The following ANK3 variants were observed in gnomAD, a reference collection of about 807,000 sequenced individuals.
ANK3 encodes ankyrin 3.
ANK3 carries 57 observed loss-of-function variants against 370.9 expected under a neutral mutation model. The observed-to-expected ratio is 0.15, with a 90% CI of 0.12 to 0.19. The LOEUF is 0.19. Among genes scored for constraint, ANK3 ranks in the 10% least tolerant of loss-of-function variants. The probability of loss-of-function intolerance (pLI) is 1.00; values close to 1 mark genes in which losing one functional copy is unlikely to be tolerated. For synonymous variants in ANK3, 1,929 were observed against 1,946.3 expected (o/e 0.99, Z 0.23); for missense variants, 4,439 against 5,302.1 (o/e 0.84, Z 5.06).
chr10:60,469,642 T>TGGTG lies in ANK3; in HGVS notation c.96+145543_96+145544insCACC, dbSNP rs1476924119. On this transcript the variant is annotated intron_variant, in intron 2 of 43. Transcript: ENST00000373827. The stretch of plus-strand genomic sequence containing the variant: ...ATATGGTGGTATATATATATATATA[T>TGGTG]ATATATATATATGGTGGTATATATA... Among the ~76,000 whole-genome samples, 4 of 25,006 alleles carry TGGTG rather than the reference T, an allele frequency of 1.6e-4. 1 individual carries two copies. The highest frequency in any genetic ancestry group is 5.4e-4 in the African/African-American group (4 of 7,368). The allele number at this position is 25,006 out of a possible 152,430, so 16.4% of individuals were successfully genotyped here.
chr10:60,668,414 C>T (rs986116657), intron 1 of ANK3, among the ~76,000 whole-genome samples: 4 of 151,480 alleles, frequency 2.6e-5, no homozygotes, highest in African/African-American at 7.4e-5. Context: ...CAGCAATCCA[C>T]AGAGGCCATC....
chr10:60,169,364 G>GTTTTT (rs71015773), intron 21 of ANK3, among the ~76,000 whole-genome samples: 17 of 51,894 alleles, frequency 3.3e-4, no homozygotes, highest in South Asian at 8.5e-4. Context: ...TTGTCTCATA[G>GTTTTT]TTTTTTTTTT....
At chr10:60,235,030 TGATG>T (rs2097306997) in intron 7 of ANK3, among the ~76,000 whole-genome samples, 1 of 152,214 alleles carries the variant, frequency 6.6e-6, no homozygotes, top group African/African-American at 2.4e-5. Context: ...TTGAGGTGAC[TGATG>T]GATGAAGTGA....
In ANK3 at chr10:60,588,260, C is replaced by T. The variant is rs569321354; in HGVS notation, c.96+26926G>A. Among the ~76,000 whole-genome samples the T allele has an allele frequency of 2.0e-5, 3 of 151,300 alleles. No homozygotes were observed. The East Asian group carries it at 5.9e-4, about 30-fold the overall frequency. ...AGTGCAGTGGCGCGATCTCAGCTCA[C>T]TACAACCTCTGCCTCCCGGGTTCAA... On this transcript the variant is annotated intron_variant, in intron 2 of 43. Transcript: ENST00000373827.
chr10:60,220,547 C>T (rs1191213574), intron 8 of ANK3, among the ~76,000 whole-genome samples: 2 of 152,196 alleles, frequency 1.3e-5, no homozygotes, highest in African/African-American at 4.8e-5. Context: ...TCCCCACAAC[C>T]CCTTATCATA....
At chr10:60,332,311 T>C (rs765050573) in intron 1 of ANK3, among the ~76,000 whole-genome samples, 2 of 152,180 alleles carry the variant, frequency 1.3e-5, no homozygotes, top group Admixed American at 1.3e-4. Flanking sequence ...ATTATACGCA[T>C]AATATTTAAT....
At chr10:60,177,855 C>T (rs1357990466) in intron 18 of ANK3, among the ~76,000 whole-genome samples, 1 of 152,016 alleles carries the variant, frequency 6.6e-6, no homozygotes, top group African/African-American at 2.4e-5. Context: ...CCGCCGCGGC[C>T]TCCCAAAAGT....
chr10:60,640,041 C>CAA (rs796726733), intron 1 of ANK3, among the ~76,000 whole-genome samples: 92 of 150,700 alleles, frequency 6.1e-4, no homozygotes, highest in African/African-American at 2.1e-3. Context: ...CTAACAAAGA[C>CAA]AAAAAAAAGC....
intron 1 of ANK3, among the ~76,000 whole-genome samples, chr10:60,704,057 C>A (rs2079580154): frequency 6.6e-6 from 1 of 152,288 alleles, no homozygotes; most frequent in South Asian, 2.1e-4. Flanking sequence ...CTTTTGGAAC[C>A]AGCTGCCACA....
At position 60,681,190 on chromosome 10, in the gene ANK3, ATCT is replaced by A. The variant is rs1274580825; in HGVS notation, c.57+52070_57+52072del. ...TTCTGTTGAAGTTTGGTCTCTCATC[ATCT>A]TGTTTCCAAATCTTGACCTCCTCCC... is the stretch of plus-strand genomic sequence containing the variant. On this transcript the variant is annotated intron_variant, in intron 1 of 43. Transcript: ENST00000373827. 3.3e-5 allele frequency among the ~76,000 whole-genome samples: 5 copies of A among 152,286 alleles called. No homozygotes were observed. In the East Asian group the frequency reaches 9.7e-4, roughly 29 times the overall value.
chr10:60,637,224 T>G (rs972251062), intron 1 of ANK3, among the ~76,000 whole-genome samples: 1 of 152,188 alleles, frequency 6.6e-6, no homozygotes, highest in Non-Finnish European at 1.5e-5. Flanking sequence ...CTTTTCCCCA[T>G]GCTACTAAGT....
In ANK3 at chr10:60,237,464, C is replaced by A. The variant is rs536799380; in HGVS notation, c.799-2678G>T. On this transcript the variant is annotated intron_variant, in intron 7 of 43. Coordinates refer to ENST00000280772, the MANE Select transcript of ANK3 (RefSeq NM_020987.5). ...CACTGGTTGAGAAAGACTTAATTAA[C>A]CTTTATCACAAACAGGCTAAGTTTA... Among the ~76,000 whole-genome samples the A allele has an allele frequency of 7.2e-5, 11 of 152,252 alleles. No homozygotes were observed. The East Asian group carries it at 1.7e-3, about 24-fold the overall frequency.
chr10:60,383,228 G>T (rs566695032), intron 1 of ANK3, among the ~76,000 whole-genome samples: 1 of 152,070 alleles, frequency 6.6e-6, no homozygotes. Context: ...ACTATAGTCC[G>T]TTTATTCTTC....
intron 2 of ANK3, among the ~76,000 whole-genome samples, chr10:60,426,214 T>C (rs1486512053): frequency 6.6e-6 from 1 of 152,028 alleles, no homozygotes; most frequent in Non-Finnish European, 1.5e-5. Flanking sequence ...GTTTGGCCAA[T>C]AAAACTTCTG....
At chr10:60,495,774 G>A (rs929647150) in intron 2 of ANK3, among the ~76,000 whole-genome samples, 3 of 152,128 alleles carry the variant, frequency 2.0e-5, no homozygotes, top group African/African-American at 7.2e-5. Flanking sequence ...ATAATATTAA[G>A]TGGGGCAAAG....
chr10:60,346,852 T>C (rs947270492), intron 1 of ANK3, among the ~76,000 whole-genome samples: 4 of 152,046 alleles, frequency 2.6e-5, no homozygotes, highest in Admixed American at 6.6e-5. Flanking sequence ...TTACAGAGAA[T>C]GGGTGTTCTG....
At chr10:60,042,526 G>A (rs1589151247) in intron 43 of ANK3, 146 bp downstream of exon 43, 2 of 819,746 alleles carry the variant, frequency 2.4e-6, no homozygotes, top group Non-Finnish European at 1.9e-6. Flanking sequence ...AACATCAACA[G>A]AACTTGAACA....
chr10:60,483,260 T>G (rs2075269589), intron 2 of ANK3, among the ~76,000 whole-genome samples: 3 of 152,182 alleles, frequency 2.0e-5, no homozygotes, highest in Admixed American at 6.5e-5. Context: ...GACAGAAGCA[T>G]GAAATACCAT....
At chr10:60,576,589 C>A (rs1328012968) in intron 2 of ANK3, among the ~76,000 whole-genome samples, 8 of 152,082 alleles carry the variant, frequency 5.3e-5, no homozygotes, top group African/African-American at 1.2e-4. Flanking sequence ...TATGAATAGG[C>A]TAATTTTATT....
Sources: gnomAD v4.1 joint callset for allele counts (sites outside exome capture counted in the v4.1 genomes callset) on GRCh38, gnomAD v4.1.1 for gene constraint, MANE v1.5 for transcripts, NCBI Gene and HGNC (gene_info 2026-07-23, HGNC 2026-07-21) for gene names.